The following DTNBP1 variants were observed in gnomAD, a reference collection of about 807,000 sequenced individuals.
DTNBP1 encodes dystrobrevin binding protein 1.
DTNBP1 carries 35 observed loss-of-function variants against 42.8 expected under a neutral mutation model. The ratio of observed to expected loss-of-function variants is 0.82; its 90% confidence interval spans 0.63 to 1.09. The LOEUF (loss-of-function observed/expected upper bound fraction) is 1.09, where lower values mean the gene tolerates loss of function less well. Ranked by LOEUF, DTNBP1 falls within the 50% of genes least tolerant of loss-of-function variation. The pLI is 0.00. For missense variants in DTNBP1, 457 were observed against 424.2 expected, an observed-to-expected ratio of 1.08 and a Z score of -0.68; for synonymous variants, 171 against 162.2, an observed-to-expected ratio of 1.05 and a Z score of -0.41.
chr6:15,650,911 T>C (rs2113806747), intron 3 of DTNBP1, among the ~76,000 whole-genome samples: 1 of 152,314 alleles, frequency 6.6e-6, no homozygotes, highest in South Asian at 2.1e-4. Context: ...GTTTGTGCTT[T>C]TGATGTTATA....
At position 15,569,506 on chromosome 6, in the gene DTNBP1, T is replaced by A. The variant is rs199616925; in HGVS notation, c.511+23553A>T. Among the ~76,000 whole-genome samples, 3 of 152,238 alleles carry A rather than the reference T, an allele frequency of 2.0e-5. No homozygotes were observed. In the East Asian group the frequency reaches 5.8e-4, roughly 29 times the overall value. ...CTTAAAATCTCTAGACCCAAACTCC[T>A]CAGGGAGGCGATGTGCGGTTTCCTC... On this transcript the variant is annotated intron_variant, in intron 7 of 9. Transcript: ENST00000344537.
chr6:15,575,849 C>A (rs1775538081), intron 7 of DTNBP1, among the ~76,000 whole-genome samples: 1 of 152,062 alleles, frequency 6.6e-6, no homozygotes. Context: ...GGAAATAGCC[C>A]TGTGAGGTGA....
chr6:15,630,911 C>T (rs12203566), intron 4 of DTNBP1, among the ~76,000 whole-genome samples: 2 of 151,792 alleles, frequency 1.3e-5, no homozygotes, highest in Admixed American at 6.5e-5. Context: ...ATCGAGACTC[C>T]GTCTCAAAAA....
intron 7 of DTNBP1, among the ~76,000 whole-genome samples, chr6:15,560,769 C>G (rs957649987): frequency 3.3e-5 from 5 of 152,166 alleles, no homozygotes; most frequent in Admixed American, 3.3e-4. Context: ...TCTTGGGACC[C>G]TGAAAGAAGG....
At chr6:15,551,262 CA>C (rs1774195750) in intron 7 of DTNBP1, among the ~76,000 whole-genome samples, 1 of 152,066 alleles carries the variant, frequency 6.6e-6, no homozygotes, top group Non-Finnish European at 1.5e-5. Context: ...CAAGGACGTG[CA>C]AAAGACAAGT....
At chr6:15,548,575 C>T (rs982336202) in intron 7 of DTNBP1, among the ~76,000 whole-genome samples, 6 of 151,926 alleles carry the variant, frequency 3.9e-5, no homozygotes, top group African/African-American at 1.5e-4. Context: ...CAAAAGCATC[C>T]CCTTGTTTCC....
intron 7 of DTNBP1, 127 bp from the exon 8 acceptor site, chr6:15,533,522 GC>G: frequency 6.8e-7 from 1 of 1,477,930 alleles, no homozygotes; most frequent in Non-Finnish European, 9.4e-7. Context: ...CTGGGCTGGT[GC>G]CCCGACTGCG....
At chr6:15,534,326 G>A (rs1323797967) in intron 7 of DTNBP1, among the ~76,000 whole-genome samples, 2 of 152,288 alleles carry the variant, frequency 1.3e-5, no homozygotes, top group African/African-American at 4.8e-5. Flanking sequence ...ACATAAAATG[G>A]TAAATTTTAT....
At chr6:15,556,415 C>T (rs769303664) in intron 7 of DTNBP1, among the ~76,000 whole-genome samples, 4 of 152,026 alleles carry the variant, frequency 2.6e-5, no homozygotes, top group Middle Eastern at 3.2e-3. Context: ...CTCCTGACCT[C>T]GTGATCTGCC....
At chr6:15,567,876 G>C (rs1775167052) in intron 7 of DTNBP1, among the ~76,000 whole-genome samples, 1 of 151,990 alleles carries the variant, frequency 6.6e-6, no homozygotes, top group Non-Finnish European at 1.5e-5. Flanking sequence ...TTACTAGCTG[G>C]GTAATTTTGG....
chr6:15,650,602 G>A (rs746715493), intron 3 of DTNBP1, among the ~76,000 whole-genome samples: 7 of 152,044 alleles, frequency 4.6e-5, no homozygotes, highest in Non-Finnish European at 7.4e-5. Context: ...TTTGATTTGC[G>A]TTTCCCTGAA....
At chr6:15,593,393 G>A (rs1474108700) in intron 6 of DTNBP1, among the ~76,000 whole-genome samples, 8 of 152,182 alleles carry the variant, frequency 5.3e-5, no homozygotes, top group Non-Finnish European at 8.8e-5. Flanking sequence ...TCCCAGCTAT[G>A]AACCATCTCA....
chr6:15,638,908 C>A (rs540736211), intron 3 of DTNBP1, among the ~76,000 whole-genome samples: 3 of 150,296 alleles, frequency 2.0e-5, no homozygotes, highest in South Asian at 4.2e-4. Flanking sequence ...TCACAGCTCA[C>A]TGCAGCCTCA....
In DTNBP1 at chr6:15,569,360, C is replaced by A. The variant is rs56273146; in HGVS notation, c.511+23699G>T. Among the ~76,000 whole-genome samples, 154 of 138,522 alleles carry A rather than the reference C, an allele frequency of 1.1e-3. 2 individuals carry two copies. Among genetic ancestry groups the A allele is most frequent in the African/African-American group, 1.5e-3 (57 of 37,378 alleles). The allele number at this position is 138,522 out of a possible 152,430, so 90.9% of individuals were successfully genotyped here. A position where few individuals can be genotyped will look rare whatever the true frequency, so the allele number is the denominator to read the frequency against. On this transcript the variant is annotated intron_variant, in intron 7 of 9. Transcript: ENST00000344537. ...TGAAGTCAGCCAGTTAAGACCCCCCCCCGCCCGCCCCGACAGGAACGAAAT... is the reference window on the plus strand; with the variant it reads ...TGAAGTCAGCCAGTTAAGACCCCCCACCGCCCGCCCCGACAGGAACGAAAT...
chr6:15,649,986 T>C (rs946963902), intron 3 of DTNBP1, among the ~76,000 whole-genome samples: 6 of 152,210 alleles, frequency 3.9e-5, no homozygotes, highest in South Asian at 2.1e-4. Flanking sequence ...TCCTTTCATG[T>C]TCATTTCTGT....
intron 1 of DTNBP1, among the ~76,000 whole-genome samples, chr6:15,655,640 T>TAAAAAAAAAAAAAAAGAAA (rs5874522): frequency 7.1e-6 from 1 of 141,046 alleles, no homozygotes; most frequent in Non-Finnish European, 1.5e-5. Flanking sequence ...AAAACGAAGT[T>TAAAAAAAAAAAAAAAGAAA]AAAAAAAAAA....
chr6:15,651,936 T>C (rs1221745283), intron 2 of DTNBP1, 151 bp downstream of exon 2: 7 of 687,794 alleles, frequency 1.0e-5, no homozygotes, highest in Non-Finnish European at 1.5e-5. Context: ...ATTTTCCTGT[T>C]ACAAAATTTA....
At chr6:15,649,479 T>C (rs939322326) in intron 3 of DTNBP1, among the ~76,000 whole-genome samples, 1 of 152,104 alleles carries the variant, frequency 6.6e-6, no homozygotes, top group Non-Finnish European at 1.5e-5. Context: ...GCAAATAGAA[T>C]GATGGTTGCC....
intron 6 of DTNBP1, among the ~76,000 whole-genome samples, chr6:15,602,419 C>T (rs954722806): frequency 1.3e-5 from 2 of 152,078 alleles, no homozygotes; most frequent in East Asian, 1.9e-4. Flanking sequence ...CTCTCATATC[C>T]GTCAAGAAAA....
Sources: allele counts gnomAD v4.1 joint callset (sites outside exome capture counted in the v4.1 genomes callset), GRCh38; gene constraint gnomAD v4.1.1; transcripts MANE v1.5; gene names NCBI Gene and HGNC (gene_info 2026-07-23, HGNC 2026-07-21).